Variants in CNGB3 observed in about 807,000 individuals in gnomAD.
CNGB3 encodes the protein cyclic nucleotide-gated channel beta-3.
A neutral mutation model predicts 92.8 loss-of-function variants in CNGB3; 86 were observed. That is an observed-to-expected ratio of 0.93 (90% CI 0.78 to 1.11). CNGB3 has a LOEUF of 1.11. CNGB3 is among the 50% of genes least tolerant of loss of function. CNGB3 has a pLI of 0.00. For missense variants in CNGB3, 1,026 were observed against 956.8 expected, an observed-to-expected ratio of 1.07 and a Z score of -0.95; for synonymous variants, 333 against 332.7, an observed-to-expected ratio of 1.00 and a Z score of -0.01.
chr8:86,708,263 G>A (rs1344060684), intron 3 of CNGB3, among the ~76,000 whole-genome samples: 1 of 152,150 alleles, frequency 6.6e-6, no homozygotes, highest in African/African-American at 2.4e-5. Context: ...GGGAGGTGAG[G>A]AGGAGTCATT....
chr8:86,612,149 A>G (rs1005100389), intron 13 of CNGB3, among the ~76,000 whole-genome samples: 3 of 152,084 alleles, frequency 2.0e-5, no homozygotes, highest in African/African-American at 7.2e-5. Flanking sequence ...AGGCTGGTCT[A>G]TCTTTCTTCT....
chr8:86,653,942 C>A lies in CNGB3; in HGVS notation c.903+70G>T. The A allele has an allele frequency of 1.1e-5, 11 of 1,039,432 alleles. 1 individual carries two copies. In the South Asian group the frequency reaches 1.4e-4, roughly 13 times the overall value. The allele number at this position is 1,039,432 out of a possible 1,614,324, so 64.4% of individuals were successfully genotyped here. ...ATGTACAAACTTTGTTTATAGAAAT[C>A]TATAGATGGGATTTAAAGTCAAAAT... On this transcript the variant is annotated intron_variant, in intron 7 of 17. Coordinates refer to ENST00000320005, the MANE Select transcript of CNGB3 (RefSeq NM_019098.5).
chr8:86,574,539 A>G lies in CNGB3; in HGVS notation c.*1265T>C, dbSNP rs1025011103. 2.0e-5 allele frequency: 3 copies of G among 152,238 alleles called. No individual in the cohort carries two copies. The highest frequency in any genetic ancestry group is 4.4e-5 in the Non-Finnish European group (3 of 68,034). The allele number at this position is 152,238 out of a possible 1,614,324, so 9.4% of individuals were successfully genotyped here. ...CAGTTTATTATAGTGATTGATTTGT[A>G]CATGGTTTGCTAAATGCATCTATGT... On this transcript the variant is annotated 3_prime_UTR_variant, in exon 18 of 18. Coordinates refer to ENST00000320005, the MANE Select transcript of CNGB3 (RefSeq NM_019098.5).
At chr8:86,677,559 A>T (rs1311297208) in intron 3 of CNGB3, among the ~76,000 whole-genome samples, 2 of 152,258 alleles carry the variant, frequency 1.3e-5, no homozygotes, top group African/African-American at 2.4e-5. Flanking sequence ...AAAAGCCTGC[A>T]TAGAACAAGA....
rs1821637676 is a variant in CNGB3, at chr8:86,575,282, T to C, written c.*522A>G. On this transcript the variant is annotated 3_prime_UTR_variant, in exon 18 of 18. Transcript: ENST00000320005. ...CCCTTCAGTCCCAGCTGCTGGGGAT[T>C]TTTTGATATTACAGTGACTCATCAT... 1 of 152,222 alleles carries C rather than the reference T, an allele frequency of 6.6e-6. No homozygotes were observed. Among genetic ancestry groups the C allele is most frequent in the South Asian group, 2.1e-4 (1 of 4,822 alleles). 9.4% of individuals were successfully genotyped at this position (152,222 alleles called of 1,614,324 possible).
At chr8:86,668,380 A>G (rs1022205615) in intron 4 of CNGB3, among the ~76,000 whole-genome samples, 1 of 152,076 alleles carries the variant, frequency 6.6e-6, no homozygotes, top group Non-Finnish European at 1.5e-5. Context: ...AAAAATACCT[A>G]ATGTAGATGA....
At chr8:86,684,616 G>T (rs892581192) in intron 3 of CNGB3, among the ~76,000 whole-genome samples, 61 of 148,822 alleles carry the variant, frequency 4.1e-4, no homozygotes, top group South Asian at 4.2e-4. Context: ...ATAAGTGAAT[G>T]GTTAAACTGT....
intron 13 of CNGB3, among the ~76,000 whole-genome samples, chr8:86,621,004 A>G (rs778506761): frequency 2.6e-5 from 4 of 152,348 alleles, no homozygotes; most frequent in Admixed American, 6.5e-5. Context: ...AATCTAAGTT[A>G]TACACAACAT....
chr8:86,684,412 C>T (rs1038126222), intron 3 of CNGB3, among the ~76,000 whole-genome samples: 13 of 152,084 alleles, frequency 8.5e-5, no homozygotes, highest in Non-Finnish European at 1.8e-4. Context: ...TAAAATGATG[C>T]AGTCACTCTG....
At chr8:86,647,957 G>T in intron 7 of CNGB3, 70 bp from the exon 8 acceptor site, 1 of 926,122 alleles carries the variant, frequency 1.1e-6, no homozygotes, top group Non-Finnish European at 1.8e-6. Context: ...GATTTACGCT[G>T]ATGTCTGTAA....
chr8:86,597,808 C>A (rs1052426441), intron 15 of CNGB3, among the ~76,000 whole-genome samples: 1 of 151,846 alleles, frequency 6.6e-6, no homozygotes, highest in African/African-American at 2.4e-5. Flanking sequence ...GGTGAAACCC[C>A]GTCTCTACAA....
chr8:86,649,101 AT>A (rs1823348549), intron 7 of CNGB3, among the ~76,000 whole-genome samples: 2 of 151,780 alleles, frequency 1.3e-5, no homozygotes, highest in South Asian at 4.1e-4. Flanking sequence ...CCCTAGGAAT[AT>A]ACTTAACCAA....
At position 86,574,350 on chromosome 8, in the gene CNGB3, T is replaced by C. The variant is rs1323170131; in HGVS notation, c.*1454A>G. On this transcript the variant is annotated 3_prime_UTR_variant, in exon 18 of 18. Transcript: ENST00000320005. ...TTAAATCACCCTTTTTATACGCAAT[T>C]CACTCTTTCTGCATACAAACTCCCA... The C allele has an allele frequency of 2.0e-5, 3 of 152,170 alleles. No homozygotes were observed. In the East Asian group the frequency reaches 5.8e-4, roughly 29 times the overall value. The allele number at this position is 152,170 out of a possible 1,614,324, so 9.4% of individuals were successfully genotyped here.
At chr8:86,659,470 T>A in intron 6 of CNGB3, 1 of 616,012 alleles carries the variant, frequency 1.6e-6, no homozygotes, top group Non-Finnish European at 3.0e-6. Flanking sequence ...GGACTCAAAT[T>A]TCTCTTCTAA....
chr8:86,709,247 G>A (rs1056921245), intron 3 of CNGB3, among the ~76,000 whole-genome samples: 1 of 152,262 alleles, frequency 6.6e-6, no homozygotes, highest in South Asian at 2.1e-4. Flanking sequence ...GATAAAATGG[G>A]TACCCACACA....
At chr8:86,667,205 G>C in intron 5 of CNGB3, 72 bp from the exon 6 acceptor site, 2 of 1,334,122 alleles carry the variant, frequency 1.5e-6, no homozygotes, top group Non-Finnish European at 2.1e-6. Context: ...TGCTTAGTTT[G>C]GGGAGGTTGG....
In CNGB3 at chr8:86,654,095, C is replaced by T. The variant is rs547954201; in HGVS notation, c.853-33G>A. The T allele has an allele frequency of 2.9e-6, 4 of 1,362,414 alleles. No individual in the cohort carries two copies. In the South Asian group the frequency reaches 3.5e-5, roughly 12 times the overall value. The allele number at this position is 1,362,414 out of a possible 1,614,324, so 84.4% of individuals were successfully genotyped here. ...ATATTTGTATTTTCATTAATTTTAG[C>T]CAATTTCATCAATTATTTTTTTCTC... On this transcript the variant is annotated intron_variant, in intron 6 of 17. Transcript: ENST00000320005.
At chr8:86,635,133 G>A (rs1823038029) in intron 10 of CNGB3, among the ~76,000 whole-genome samples, 1 of 151,998 alleles carries the variant, frequency 6.6e-6, no homozygotes, top group South Asian at 2.1e-4. Flanking sequence ...TGATGTCAAA[G>A]AGAACCACCT....
chr8:86,581,743 A>C (rs1336981874), intron 15 of CNGB3, among the ~76,000 whole-genome samples: 2 of 151,126 alleles, frequency 1.3e-5, no homozygotes, highest in African/African-American at 4.9e-5. Flanking sequence ...TTACCCCCCC[A>C]CCAAGTCTCC....
Sources: allele counts gnomAD v4.1 joint callset (sites outside exome capture counted in the v4.1 genomes callset), GRCh38; gene constraint gnomAD v4.1.1; transcripts MANE v1.5; gene names NCBI Gene and HGNC (gene_info 2026-07-23, HGNC 2026-07-21).